The following RAPGEF2 variants were observed in gnomAD, a reference collection of about 807,000 sequenced individuals.
The protein encoded by RAPGEF2 is PDZ domain containing guanine nucleotide exchange factor (GEF) 1.
In RAPGEF2, 54 loss-of-function variants were observed where a neutral mutation model predicts 186.7. That is an observed-to-expected ratio of 0.29 (90% CI 0.23 to 0.36). RAPGEF2 has a LOEUF of 0.36. Ranked by LOEUF, RAPGEF2 falls within the 10% of genes least tolerant of loss-of-function variation. The probability of loss-of-function intolerance (pLI) is 1.00; values close to 1 mark genes in which losing one functional copy is unlikely to be tolerated. For missense variants in RAPGEF2, 1,532 were observed against 2,045.0 expected (o/e 0.75, Z 4.84); for synonymous variants, 712 against 705.9 (o/e 1.01, Z -0.14).
chr4:159,174,327 T>G (rs1415800905), intron 1 of RAPGEF2, among the ~76,000 whole-genome samples: 2 of 152,206 alleles, frequency 1.3e-5, no homozygotes, highest in African/African-American at 4.8e-5. Flanking sequence ...CAATGAGAGA[T>G]AAACTCTTTG....
At chr4:159,240,989 G>C in intron 5 of RAPGEF2, 1 of 458,104 alleles carries the variant, frequency 2.2e-6, no homozygotes, top group Non-Finnish European at 3.9e-6. Context: ...GTCCTAAGTG[G>C]AACTGAAAAT....
At chr4:159,244,079 C>A (rs1049278069) in intron 7 of RAPGEF2, among the ~76,000 whole-genome samples, 3 of 151,854 alleles carry the variant, frequency 2.0e-5, no homozygotes, top group African/African-American at 7.2e-5. Flanking sequence ...CTGTCCTTCA[C>A]TAACCTGCTT....
chr4:159,154,341 A>C (rs868718583), intron 1 of RAPGEF2, among the ~76,000 whole-genome samples: 3 of 152,272 alleles, frequency 2.0e-5, no homozygotes, highest in African/African-American at 7.2e-5. Flanking sequence ...CTTTCTCAGC[A>C]CATATTATTT....
chr4:159,204,516 G>A (rs927459687), intron 3 of RAPGEF2, among the ~76,000 whole-genome samples: 5 of 152,192 alleles, frequency 3.3e-5, no homozygotes, highest in South Asian at 2.1e-4. Flanking sequence ...AATGCTCAGC[G>A]GGGATCATAC....
At chr4:159,218,042 A>G (rs1187306277) in intron 4 of RAPGEF2, among the ~76,000 whole-genome samples, 1 of 152,258 alleles carries the variant, frequency 6.6e-6, no homozygotes, top group Non-Finnish European at 1.5e-5. Flanking sequence ...GTTATAAGTC[A>G]TACAATGACT....
intron 7 of RAPGEF2, among the ~76,000 whole-genome samples, chr4:159,290,303 CTAAAGGCATTTTCAAAG>C (rs146710768): frequency 0.011 from 1,664 of 152,266 alleles, 36 homozygotes; most frequent in African/African-American, 0.038. Context: ...CTTTTTGTAT[CTAAAGGCATTTTCAAAG>C]TATTCCTGCT....
intron 1 of RAPGEF2, among the ~76,000 whole-genome samples, chr4:159,142,853 T>A (rs543119601): frequency 2.0e-5 from 3 of 152,296 alleles, no homozygotes; most frequent in African/African-American, 7.2e-5. Context: ...CAGAAGAGGC[T>A]TTGAAAGTGC....
intron 1 of RAPGEF2, among the ~76,000 whole-genome samples, chr4:159,178,374 C>T (rs1200553272): frequency 6.6e-6 from 1 of 151,992 alleles, no homozygotes; most frequent in African/African-American, 2.4e-5. Flanking sequence ...ACATACTGTA[C>T]ATTGTTAGTG....
Position 159,341,940 on chromosome 4 carries a change from A to G in RAPGEF2, c.2911A>G (p.Ile971Val), listed in dbSNP as rs1191097889. The G allele has an allele frequency of 1.9e-6, 3 of 1,589,512 alleles. No individual in the cohort carries two copies. Among genetic ancestry groups the G allele is most frequent in the Non-Finnish European group, 2.6e-6 (3 of 1,169,792 alleles). Residue 971 changes from isoleucine (I) to valine (V), a missense_variant, in exon 20 of 30, where the codon ATC becomes GTC. Around this residue, in one of 4 missense-constraint regions of RAPGEF2, gnomAD observed 810 missense variants for 1,210.5 expected, o/e 0.67. Coordinates refer to ENST00000691494, the MANE Select transcript of RAPGEF2 (RefSeq NM_001394067.2). Reference protein sequence around the residue: ...ECKNFNSMFAIISGLNLAPVA... With the variant: ...ECKNFNSMFAVISGLNLAPVA... ...CAAGAATTTTAACTCAATGTTTGCA[A>G]TCATCAGGTAAGAGAGCACATTTTT...
rs59451980 is a variant in RAPGEF2 at position 159,108,809 on chromosome 4, C to G, written c.69+4578C>G. Among the ~76,000 whole-genome samples, 26 of 152,202 alleles carry G rather than the reference C, an allele frequency of 1.7e-4. No homozygotes were observed. The East Asian group carries it at 4.6e-3, about 27-fold the overall frequency. ...CCCGGGCTCACTGCAGCCTCTATCT[C>G]CCAGACTCAAATGATCCTCCTGCGT... On this transcript the variant is annotated intron_variant, in intron 1 of 29. Transcript: ENST00000691494.
intron 3 of RAPGEF2, among the ~76,000 whole-genome samples, chr4:159,203,460 T>C (rs1749658768): frequency 6.6e-6 from 1 of 152,226 alleles, no homozygotes; most frequent in African/African-American, 2.4e-5. Flanking sequence ...CACGTGAGCA[T>C]GTACACAGGG....
intron 1 of RAPGEF2, among the ~76,000 whole-genome samples, chr4:159,150,076 T>TG (rs1462142834): frequency 2.6e-5 from 4 of 152,146 alleles, no homozygotes. Flanking sequence ...GTAATTTATA[T>TG]TGTTATTAGC....
At chr4:159,135,740 C>T (rs1741649994) in intron 1 of RAPGEF2, among the ~76,000 whole-genome samples, 3 of 152,150 alleles carry the variant, frequency 2.0e-5, no homozygotes, top group African/African-American at 7.2e-5. Flanking sequence ...GCTGGGATTA[C>T]AGGTGCCCAC....
At position 159,104,210 on chromosome 4, in the gene RAPGEF2, TCCCC is replaced by T; in HGVS notation, c.51_54del (p.Pro18LysfsTer9). On this transcript the variant is annotated frameshift_variant, in exon 1 of 30. Coordinates refer to ENST00000691494, the MANE Select transcript of RAPGEF2 (RefSeq NM_001394067.2). LOFTEE classifies it high-confidence loss of function. ...GCTTCCGCCAGGCGGTGATGAAGAATCCCCCCGAAAGGACCCCCCAGGTGAGAAC... is the reference window on the plus strand; with the variant it reads ...GCTTCCGCCAGGCGGTGATGAAGAATCCGAAAGGACCCCCCAGGTGAGAAC... 2 of 1,302,452 alleles carry T rather than the reference TCCCC, an allele frequency of 1.5e-6. No individual in the cohort carries two copies. Among genetic ancestry groups the T allele is most frequent in the Non-Finnish European group, 2.0e-6 (2 of 1,005,492 alleles). 80.7% of individuals were successfully genotyped at this position (1,302,452 alleles called of 1,614,324 possible).
At chr4:159,153,428 C>T (rs1043731067) in intron 1 of RAPGEF2, among the ~76,000 whole-genome samples, 1 of 152,140 alleles carries the variant, frequency 6.6e-6, no homozygotes, top group Non-Finnish European at 1.5e-5. Flanking sequence ...TGTTACAGTT[C>T]CTCACTCTGT....
intron 1 of RAPGEF2, among the ~76,000 whole-genome samples, chr4:159,108,314 G>C (rs188932766): frequency 7.2e-4 from 109 of 151,332 alleles, no homozygotes; most frequent in Non-Finnish European, 3.7e-4. Flanking sequence ...TCCAACTGCA[G>C]TGCTTTATGC....
intron 1 of RAPGEF2, among the ~76,000 whole-genome samples, chr4:159,108,775 G>A (rs1008065470): frequency 6.6e-6 from 1 of 152,162 alleles, no homozygotes; most frequent in East Asian, 1.9e-4. Flanking sequence ...ATAGGGTCTT[G>A]CTTTGTTGCC....
At chr4:159,184,604 G>A (rs1205739704) in intron 1 of RAPGEF2, among the ~76,000 whole-genome samples, 1 of 152,058 alleles carries the variant, frequency 6.6e-6, no homozygotes, top group African/African-American at 2.4e-5. Context: ...TTTTTTTCTT[G>A]TAAATTTGTT....
At chr4:159,177,470 T>C (rs1746554512) in intron 1 of RAPGEF2, among the ~76,000 whole-genome samples, 2 of 152,178 alleles carry the variant, frequency 1.3e-5, no homozygotes, top group Non-Finnish European at 2.9e-5. Context: ...ATTCACCGTC[T>C]TTTGCAAATA....
Sources: allele counts gnomAD v4.1 joint callset (sites outside exome capture counted in the v4.1 genomes callset), GRCh38; gene constraint gnomAD v4.1.1; regional missense constraint gnomAD v4.1.1; transcripts MANE v1.5; gene names NCBI Gene and HGNC (gene_info 2026-07-23, HGNC 2026-07-21).